ATP2C2: variants seen among roughly 807,000 people sequenced by gnomAD.
ATP2C2 encodes ATPase secretory pathway Ca2+ transporting 2.
In ATP2C2, 171 loss-of-function variants were observed where a neutral mutation model predicts 110.8. That is an observed-to-expected ratio of 1.54 (90% CI 1.36 to 1.75). The LOEUF (loss-of-function observed/expected upper bound fraction) is 1.75, where lower values mean the gene tolerates loss of function less well. ATP2C2 is among the 40% of genes most tolerant of loss of function. ATP2C2 has a pLI of 0.00. For synonymous variants in ATP2C2, 804 were observed against 508.4 expected, an observed-to-expected ratio of 1.58 and a Z score of -7.82; for missense variants, 1,963 against 1,235.0, an observed-to-expected ratio of 1.59 and a Z score of -8.84.
chr16:84,417,113 T>A (rs534126320), intron 7 of ATP2C2, among the ~76,000 whole-genome samples: 1 of 152,286 alleles, frequency 6.6e-6, no homozygotes, highest in East Asian at 1.9e-4. Context: ...TTAGTTAACC[T>A]CTCTGTGCCT....
At position 84,450,655 on chromosome 16, in the gene ATP2C2, C is replaced by A. The variant is rs533043281; in HGVS notation, c.1661-1266C>A. On this transcript the variant is annotated intron_variant, in intron 17 of 26. Coordinates refer to ENST00000262429, the MANE Select transcript of ATP2C2 (RefSeq NM_014861.4). The stretch of plus-strand genomic sequence containing the variant: ...TGACTGTGTAGGAGGCATGCCAGCC[C>A]CATCTTTGGTGTCAGTGAGGGGGCA... Among the ~76,000 whole-genome samples, 22 of 152,132 alleles carry A rather than the reference C, an allele frequency of 1.4e-4. No homozygotes were observed. The South Asian group carries it at 4.6e-3, about 32-fold the overall frequency.
chr16:84,407,788 T>C (rs112546007), intron 3 of ATP2C2, among the ~76,000 whole-genome samples: 1 of 152,186 alleles, frequency 6.6e-6, no homozygotes, highest in African/African-American at 2.4e-5. Context: ...ATATTGTAAC[T>C]CTCTTCCTTA....
intron 3 of ATP2C2, among the ~76,000 whole-genome samples, chr16:84,406,972 T>G (rs1354415557): frequency 6.6e-6 from 1 of 152,112 alleles, no homozygotes; most frequent in South Asian, 2.1e-4. Flanking sequence ...TCTCTTAAAT[T>G]TCTTGAGAGC....
Position 84,453,303 on chromosome 16 carries a change from C to G in ATP2C2, c.1930-18C>G, listed in dbSNP as rs770369092. On this transcript the variant is annotated intron_variant, in intron 19 of 26. Coordinates refer to ENST00000262429, the MANE Select transcript of ATP2C2 (RefSeq NM_014861.4). The stretch of plus-strand genomic sequence containing the variant: ...GCTTTGAAATCTGATTCTTCGTCTT[C>G]CCCGTCTCCGTGTCCAGGTGTCCGT... 3 of 1,614,036 alleles carry G rather than the reference C, an allele frequency of 1.9e-6. No individual in the cohort carries two copies. The highest frequency in any genetic ancestry group is 2.7e-5 in the African/African-American group (2 of 74,918).
At chr16:84,390,941 C>T (rs1382930435) in intron 1 of ATP2C2, among the ~76,000 whole-genome samples, 1 of 151,886 alleles carries the variant, frequency 6.6e-6, no homozygotes, top group Non-Finnish European at 1.5e-5. Flanking sequence ...TGTTCAAACC[C>T]CGTCTCTACT....
rs59248099 is a variant in ATP2C2 at position 84,459,069 on chromosome 16, C to G, written c.2148-51C>G. 9,488 of 1,597,194 alleles carry G rather than the reference C, an allele frequency of 5.9e-3. 356 individuals carry two copies. In the African/African-American group the frequency reaches 0.092, roughly 16 times the overall value. On this transcript the variant is annotated intron_variant, in intron 21 of 26. Transcript: ENST00000262429. ...CCTTGCAGCAACCGATGCACTGGTC[C>G]AGCCCTCACGCAGGCCCGCTCCGTG...
intron 1 of ATP2C2, among the ~76,000 whole-genome samples, chr16:84,389,755 C>T (rs983127380): frequency 7.1e-6 from 1 of 139,980 alleles, no homozygotes; most frequent in African/African-American, 2.7e-5. Flanking sequence ...GAGTTTAGCT[C>T]TGTCACCCAG....
At chr16:84,453,549 G>A (rs1397544269) in intron 20 of ATP2C2, among the ~76,000 whole-genome samples, 178 bp downstream of exon 20, 3 of 152,046 alleles carry the variant, frequency 2.0e-5, no homozygotes, top group African/African-American at 7.2e-5. Flanking sequence ...AGGGGAGGAG[G>A]TTGAGCAGGG....
At chr16:84,398,867 A>C (rs1905148145) in intron 2 of ATP2C2, among the ~76,000 whole-genome samples, 1 of 152,190 alleles carries the variant, frequency 6.6e-6, no homozygotes, top group Non-Finnish European at 1.5e-5. Context: ...GCTTCTCTTC[A>C]GCCTCACATT....
At position 84,450,838 on chromosome 16, in the gene ATP2C2, G is replaced by A. The variant is rs138202474; in HGVS notation, c.1661-1083G>A. On this transcript the variant is annotated intron_variant, in intron 17 of 26. Transcript: ENST00000262429. Reference sequence around the variant, plus strand: ...GTCAATTTTTCTTAACCTCTGTACCGCGCCCCCAAGACTGCTGGAGATGAC... The same window carrying A: ...GTCAATTTTTCTTAACCTCTGTACCACGCCCCCAAGACTGCTGGAGATGAC... 1.3e-3 allele frequency among the ~76,000 whole-genome samples: 205 copies of A among 152,088 alleles called. 2 individuals carry two copies. In the East Asian group the frequency reaches 0.035, roughly 26 times the overall value.
In ATP2C2 at chr16:84,459,064, T is replaced by G. The variant is rs920634042; in HGVS notation, c.2148-56T>G. On this transcript the variant is annotated intron_variant, in intron 21 of 26. Transcript: ENST00000262429. ...CTGCCCCTTGCAGCAACCGATGCAC[T>G]GGTCCAGCCCTCACGCAGGCCCGCT... The G allele has an allele frequency of 2.5e-6, 4 of 1,589,908 alleles. No individual in the cohort carries two copies. In the African/African-American group the frequency reaches 4.0e-5, roughly 16 times the overall value.
At chr16:84,409,994 G>T (rs937787956) in intron 4 of ATP2C2, among the ~76,000 whole-genome samples, 11 of 152,116 alleles carry the variant, frequency 7.2e-5, no homozygotes, top group African/African-American at 2.7e-4. Flanking sequence ...GGATCACGAG[G>T]TCAGGAGATC....
chr16:84,403,639 A>G (rs1299895825), intron 2 of ATP2C2, among the ~76,000 whole-genome samples: 3 of 152,034 alleles, frequency 2.0e-5, no homozygotes, highest in Non-Finnish European at 4.4e-5. Flanking sequence ...TTGTAGTTGC[A>G]TTAAGTATAG....
In ATP2C2 at chr16:84,422,499, T is replaced by C; in HGVS notation, c.734T>C (p.Ile245Thr). Residue 245 changes from isoleucine (I) to threonine (T), a missense_variant, in exon 8 of 27, where the codon ATC becomes ACC. Transcript: ENST00000262429. ...GGGGACCTCACCACCCTCAGCAACA[T>C]CGTCTTCATGGGGACCCTGGTGCAG... is the stretch of plus-strand genomic sequence containing the variant. ...GGGDLTTLSN[I>T]VFMGTLVQYG... is the part of the protein sequence containing the mutation. 6.2e-7 allele frequency: 1 copy of C among 1,614,074 alleles called. No homozygotes were observed. Among genetic ancestry groups the C allele is most frequent in the Non-Finnish European group, 8.5e-7 (1 of 1,180,016 alleles).
At chr16:84,422,248 G>A (rs1397419939) in intron 7 of ATP2C2, 142 bp from the exon 8 acceptor site, 2 of 944,270 alleles carry the variant, frequency 2.1e-6, no homozygotes, top group African/African-American at 3.3e-5. Context: ...GGCCTCAGAG[G>A]CCGTCGTTGT....
At chr16:84,452,949 G>A (rs1014838563) in intron 18 of ATP2C2, among the ~76,000 whole-genome samples, 189 bp from the exon 19 acceptor site, 1 of 152,142 alleles carries the variant, frequency 6.6e-6, no homozygotes, top group Non-Finnish European at 1.5e-5. Context: ...CTTTAAAGTG[G>A]GGATAATGAG....
chr16:84,408,720 T>C (rs1398091366), intron 4 of ATP2C2, among the ~76,000 whole-genome samples: 2 of 152,106 alleles, frequency 1.3e-5, no homozygotes, highest in African/African-American at 4.8e-5. Flanking sequence ...TGCTTCTGGG[T>C]CTTTGCTAGA....
At chr16:84,407,368 G>A (rs1040556501) in intron 3 of ATP2C2, 7 of 152,704 alleles carry the variant, frequency 4.6e-5, no homozygotes, top group African/African-American at 1.7e-4. Flanking sequence ...GGAAAGCCAT[G>A]TGAGGATGTG....
At chr16:84,391,730 G>C (rs1277865922) in intron 1 of ATP2C2, among the ~76,000 whole-genome samples, 1 of 152,160 alleles carries the variant, frequency 6.6e-6, no homozygotes, top group Admixed American at 6.5e-5. Context: ...CAGAGTTTTA[G>C]CTTCCAGAAC....
Sources: allele counts gnomAD v4.1 joint callset (sites outside exome capture counted in the v4.1 genomes callset), GRCh38; gene constraint gnomAD v4.1.1; transcripts MANE v1.5; gene names NCBI Gene and HGNC (gene_info 2026-07-23, HGNC 2026-07-21).